The following SPIRE1 variants were observed in gnomAD, a reference collection of about 807,000 sequenced individuals.
The protein encoded by SPIRE1 is spire type actin nucleation factor 1, also known as protein spire homolog 1.
Under a neutral mutation model 94.1 loss-of-function variants are expected in SPIRE1, and 40 were observed. That is an observed-to-expected ratio of 0.43 (90% confidence interval 0.33 to 0.55). The LOEUF (loss-of-function observed/expected upper bound fraction) is 0.55, where lower values mean the gene tolerates loss of function less well. Among genes scored for constraint, SPIRE1 ranks in the 20% least tolerant of loss-of-function variants. The probability of loss-of-function intolerance (pLI) is 0.06; values close to 1 mark genes in which losing one functional copy is unlikely to be tolerated. For missense variants in SPIRE1, 838 were observed against 975.2 expected (o/e 0.86, Z 1.87); for synonymous variants, 376 against 371.7 (o/e 1.01, Z -0.13).
chr18:12,565,534 C>G (rs1289963180), intron 2 of SPIRE1, among the ~76,000 whole-genome samples: 1 of 151,902 alleles, frequency 6.6e-6, no homozygotes, highest in Non-Finnish European at 1.5e-5. Flanking sequence ...ACCACCATGC[C>G]TGGCTAATTT....
At chr18:12,543,966 T>C (rs2035081776) in intron 3 of SPIRE1, among the ~76,000 whole-genome samples, 1 of 152,174 alleles carries the variant, frequency 6.6e-6, no homozygotes, top group Non-Finnish European at 1.5e-5. Context: ...ACTTTAAAAT[T>C]TCCGTTTACT....
intron 1 of SPIRE1, among the ~76,000 whole-genome samples, chr18:12,650,589 A>G (rs2038352470): frequency 6.6e-6 from 1 of 151,910 alleles, no homozygotes; most frequent in Non-Finnish European, 1.5e-5. Context: ...ACGTGCCTGT[A>G]GTCCCAGCTA....
chr18:12,547,628 G>C (rs957373633), intron 2 of SPIRE1, among the ~76,000 whole-genome samples: 4 of 151,916 alleles, frequency 2.6e-5, no homozygotes, highest in African/African-American at 9.7e-5. Context: ...CTCTCTCTCT[G>C]TGTCTCTCTC....
intron 2 of SPIRE1, among the ~76,000 whole-genome samples, chr18:12,601,999 G>T (rs934616764): frequency 3.3e-5 from 5 of 152,106 alleles, no homozygotes; most frequent in Non-Finnish European, 4.4e-5. Flanking sequence ...CAAAGACGTG[G>T]GTGACTAGTT....
At chr18:12,472,213 G>T (rs946104542) in intron 10 of SPIRE1, among the ~76,000 whole-genome samples, 1 of 152,048 alleles carries the variant, frequency 6.6e-6, no homozygotes, top group African/African-American at 2.4e-5. Context: ...AGCACTTTGC[G>T]AGGCCGAGGC....
At chr18:12,464,539 T>C (rs928204215) in intron 11 of SPIRE1, among the ~76,000 whole-genome samples, 1 of 152,160 alleles carries the variant, frequency 6.6e-6, no homozygotes, top group Non-Finnish European at 1.5e-5. Flanking sequence ...ATAATAAATA[T>C]GGTTGTGTTG....
intron 4 of SPIRE1, among the ~76,000 whole-genome samples, chr18:12,531,607 C>T (rs2034683412): frequency 6.6e-6 from 1 of 152,086 alleles, no homozygotes; most frequent in African/African-American, 2.4e-5. Context: ...CCTCAGTTTA[C>T]TAATTTGCAA....
At position 12,485,984 on chromosome 18, in the gene SPIRE1, G is replaced by T; in HGVS notation, c.1206C>A (p.Ser402Arg). ...RRSRLAMRPL[S>R]MSYSFDLSDV... ...CTGACAAGTCAAAACTGTAAGACAT[G>T]CTAAGTGGCCGCATTGCTGAAAAAA... Residue 402 changes from serine to arginine, a missense_variant, in exon 9 of 17, where the codon AGC becomes AGA. Ser to Arg is a moderately radical substitution (Grantham distance 110, BLOSUM62 -1). Around this residue, in one of 2 missense-constraint regions of SPIRE1, gnomAD observed 645 missense variants for 804.7 expected, o/e 0.80. Coordinates refer to ENST00000409402, the MANE Select transcript of SPIRE1 (RefSeq NM_001128626.2). The T allele has an allele frequency of 6.6e-7, 1 of 1,521,964 alleles. No homozygotes were observed. Among genetic ancestry groups the T allele is most frequent in the Non-Finnish European group, 8.8e-7 (1 of 1,138,998 alleles). 94.3% of individuals were successfully genotyped at this position (1,521,964 alleles called of 1,614,324 possible). A position where few individuals can be genotyped will look rare whatever the true frequency, so the allele number is the denominator to read the frequency against.
intron 8 of SPIRE1, among the ~76,000 whole-genome samples, chr18:12,489,282 G>A (rs1436770024): frequency 3.9e-5 from 6 of 152,136 alleles, no homozygotes; most frequent in South Asian, 4.1e-4. Flanking sequence ...TCAAAAAACC[G>A]TACTTCTAAA....
rs546010653 is a variant in SPIRE1 at position 12,655,092 on chromosome 18, C to T, written c.337+2438G>A. On this transcript the variant is annotated intron_variant, in intron 1 of 16. Coordinates refer to ENST00000409402, the MANE Select transcript of SPIRE1 (RefSeq NM_001128626.2). Reference sequence around the variant, plus strand: ...GAGAGACTGGGCAAGGTGGGTTACACCTGTAACCCCAGCACTTTAGCAGGC... The same window carrying T: ...GAGAGACTGGGCAAGGTGGGTTACATCTGTAACCCCAGCACTTTAGCAGGC... Among the ~76,000 whole-genome samples, 14 of 151,140 alleles carry T rather than the reference C, an allele frequency of 9.3e-5. No individual in the cohort carries two copies. The South Asian group carries it at 2.9e-3, about 32-fold the overall frequency.
chr18:12,461,033 CTTCCTCAGTGA>C (rs951335518), intron 12 of SPIRE1, among the ~76,000 whole-genome samples: 3 of 152,024 alleles, frequency 2.0e-5, no homozygotes, highest in African/African-American at 7.2e-5. Context: ...TCACTGAGAC[CTTCCTCAGTGA>C]TTGCAAGTTA....
At chr18:12,552,900 T>C (rs1039329899) in intron 2 of SPIRE1, among the ~76,000 whole-genome samples, 2 of 152,144 alleles carry the variant, frequency 1.3e-5, no homozygotes, top group Admixed American at 1.3e-4. Context: ...CTCTTCCTGC[T>C]ACAAGAACAC....
chr18:12,541,200 G>A (rs1009580337), intron 3 of SPIRE1, among the ~76,000 whole-genome samples: 6 of 152,158 alleles, frequency 3.9e-5, no homozygotes, highest in Non-Finnish European at 8.8e-5. Flanking sequence ...CATGGTAACA[G>A]AACATTTCCT....
chr18:12,593,609 G>A (rs1286786934), intron 2 of SPIRE1, among the ~76,000 whole-genome samples: 1 of 152,190 alleles, frequency 6.6e-6, no homozygotes, highest in Non-Finnish European at 1.5e-5. Flanking sequence ...CAAGACATAG[G>A]TCCTCTCCTG....
intron 3 of SPIRE1, among the ~76,000 whole-genome samples, chr18:12,542,240 G>A (rs1290699355): frequency 6.6e-6 from 1 of 152,124 alleles, no homozygotes; most frequent in Non-Finnish European, 1.5e-5. Context: ...CTCCCAAAGT[G>A]CTGGGATTAC....
chr18:12,573,802 C>T (rs2036020942), intron 2 of SPIRE1, among the ~76,000 whole-genome samples: 3 of 151,778 alleles, frequency 2.0e-5, no homozygotes, highest in African/African-American at 4.8e-5. Context: ...TGCAGTGGTG[C>T]AATCTCGGCT....
intron 4 of SPIRE1, among the ~76,000 whole-genome samples, chr18:12,519,646 A>G (rs1454378177): frequency 6.6e-6 from 1 of 152,248 alleles, no homozygotes; most frequent in African/African-American, 2.4e-5. Flanking sequence ...CCAATGGCTC[A>G]TTAGAAAAAT....
chr18:12,551,096 T>C (rs928948918), intron 2 of SPIRE1, among the ~76,000 whole-genome samples: 3 of 152,236 alleles, frequency 2.0e-5, no homozygotes, highest in Admixed American at 6.5e-5. Context: ...TATCATATGG[T>C]CTACTTAATA....
At chr18:12,634,656 C>T (rs1453372862) in intron 2 of SPIRE1, among the ~76,000 whole-genome samples, 1 of 152,058 alleles carries the variant, frequency 6.6e-6, no homozygotes, top group African/African-American at 2.4e-5. Context: ...TTATCAGGGC[C>T]AGGTGCGGTG....
Sources: gnomAD v4.1 joint callset for allele counts (sites outside exome capture counted in the v4.1 genomes callset) on GRCh38, gnomAD v4.1.1 for gene constraint, gnomAD v4.1.1 regional missense constraint, MANE v1.5 for transcripts, NCBI Gene and HGNC (gene_info 2026-07-23, HGNC 2026-07-21) for gene names.